The following CALN1 variants were observed in gnomAD, a reference collection of about 807,000 sequenced individuals.
CALN1 encodes the protein calneuron 1.
Under a neutral mutation model 30.6 loss-of-function variants are expected in CALN1, and 17 were observed. The observed-to-expected ratio is 0.56, with a 90% CI of 0.38 to 0.83. CALN1 has a LOEUF of 0.83. Among genes scored for constraint, CALN1 ranks in the 40% least tolerant of loss-of-function variants. The probability of loss-of-function intolerance (pLI) is 0.00; values close to 1 mark genes in which losing one functional copy is unlikely to be tolerated. For missense variants in CALN1, 291 were observed against 354.9 expected (o/e 0.82, Z 1.45); for synonymous variants, 156 against 131.4 (o/e 1.19, Z -1.28).
At chr7:71,930,826 C>T (rs556663254) in intron 5 of CALN1, among the ~76,000 whole-genome samples, 38 of 152,188 alleles carry the variant, frequency 2.5e-4, no homozygotes, top group Non-Finnish European at 5.1e-4. Context: ...AAACTCCTTC[C>T]CTTCTCTTCT....
At chr7:72,329,471 A>G (rs1487897613) in intron 2 of CALN1, among the ~76,000 whole-genome samples, 2 of 152,196 alleles carry the variant, frequency 1.3e-5, no homozygotes, top group Admixed American at 1.3e-4. Flanking sequence ...TATATGAGCT[A>G]GCCCCCATCT....
intron 2 of CALN1, among the ~76,000 whole-genome samples, chr7:72,391,487 G>C (rs1039006140): frequency 3.4e-5 from 5 of 149,146 alleles, no homozygotes; most frequent in Admixed American, 1.4e-4. Flanking sequence ...TGAAGAAGAA[G>C]TGTGGTAGTT....
At chr7:72,100,600 C>G (rs1806582986) in intron 4 of CALN1, among the ~76,000 whole-genome samples, 1 of 151,896 alleles carries the variant, frequency 6.6e-6, no homozygotes, top group Non-Finnish European at 1.5e-5. Flanking sequence ...AGGCAGATCA[C>G]GAGGTCAGGA....
intron 3 of CALN1, among the ~76,000 whole-genome samples, chr7:72,183,019 A>G (rs777092963): frequency 2.6e-5 from 4 of 152,062 alleles, no homozygotes; most frequent in Admixed American, 2.0e-4. Flanking sequence ...CAAAAGTAAT[A>G]TGGTCAGCTC....
At chr7:72,142,412 G>A (rs557942948) in intron 3 of CALN1, among the ~76,000 whole-genome samples, 2 of 152,300 alleles carry the variant, frequency 1.3e-5, no homozygotes, top group East Asian at 3.9e-4. Context: ...CAACGCGGCA[G>A]CGAGCTGGGG....
intron 5 of CALN1, among the ~76,000 whole-genome samples, chr7:71,873,147 G>A (rs1024956642): frequency 6.6e-6 from 1 of 151,480 alleles, no homozygotes; most frequent in Admixed American, 6.6e-5. Context: ...AGGATTACAG[G>A]CACCCACCAC....
intron 3 of CALN1, among the ~76,000 whole-genome samples, chr7:72,245,057 T>C (rs1433900810): frequency 6.6e-6 from 1 of 152,152 alleles, no homozygotes; most frequent in African/African-American, 2.4e-5. Flanking sequence ...CCTTGCTCCA[T>C]CCCAAAACAT....
chr7:72,276,923 C>T (rs1014340956), intron 3 of CALN1, among the ~76,000 whole-genome samples: 2 of 152,220 alleles, frequency 1.3e-5, no homozygotes, highest in African/African-American at 2.4e-5. Context: ...ACTCTCTCCA[C>T]CATATGAGGA....
chr7:71,800,850 T>C lies in CALN1; in HGVS notation c.658+9486A>G, dbSNP rs140005674. On this transcript the variant is annotated intron_variant, in intron 6 of 6. Transcript: ENST00000395275. ...TAAGTTCCATGATACATGTGCAGAA[T>C]GTGCAGGTTTGTTAAATAGGTAAAC... is the stretch of plus-strand genomic sequence containing the variant. 3.2e-4 allele frequency among the ~76,000 whole-genome samples: 49 copies of C among 152,264 alleles called. No individual in the cohort carries two copies. In the East Asian group the frequency reaches 8.9e-3, roughly 28 times the overall value.
chr7:71,787,960 G>A, intron 6 of CALN1, 58 bp from the exon 7 acceptor site: 1 of 1,609,356 alleles, frequency 6.2e-7, no homozygotes, highest in South Asian at 1.1e-5. Flanking sequence ...GAAGAGAGAA[G>A]AGAGAAATAA....
chr7:72,198,849 G>C (rs1193774179), intron 3 of CALN1, among the ~76,000 whole-genome samples: 1 of 152,156 alleles, frequency 6.6e-6, no homozygotes, highest in Non-Finnish European at 1.5e-5. Flanking sequence ...CTGGGAAAGG[G>C]CTACAGCCAG....
chr7:71,830,565 C>A (rs1789213117), intron 5 of CALN1, among the ~76,000 whole-genome samples: 1 of 152,062 alleles, frequency 6.6e-6, no homozygotes, highest in South Asian at 2.1e-4. Context: ...CCAGGCCGGT[C>A]TTGAACTCCT....
At chr7:72,350,673 G>C (rs1372906476) in intron 2 of CALN1, among the ~76,000 whole-genome samples, 1 of 152,094 alleles carries the variant, frequency 6.6e-6, no homozygotes, top group Non-Finnish European at 1.5e-5. Context: ...CTACCTACCA[G>C]ATACTATGCT....
At position 71,787,715 on chromosome 7, in the gene CALN1, TG is replaced by T. The variant is rs1793055297; in HGVS notation, c.*59del. 1 of 1,597,970 alleles carries T rather than the reference TG, an allele frequency of 6.3e-7. No individual in the cohort carries two copies. Among genetic ancestry groups the T allele is most frequent in the African/African-American group, 1.3e-5 (1 of 74,860 alleles). ...GTGTCTGCTGTGTGGAGGAAGAGTC[TG>T]CCCGCACGGCATGCACATGCGCGGT... is the stretch of plus-strand genomic sequence containing the variant. On this transcript the variant is annotated 3_prime_UTR_variant, in exon 7 of 7. Transcript: ENST00000395275.
chr7:72,353,656 T>G (rs145316345), intron 2 of CALN1, among the ~76,000 whole-genome samples: 1 of 151,900 alleles, frequency 6.6e-6, no homozygotes, highest in Non-Finnish European at 1.5e-5. Flanking sequence ...CCCTGTAAAA[T>G]CAGGAAAAGG....
intron 3 of CALN1, among the ~76,000 whole-genome samples, chr7:72,170,053 A>G (rs1788827662): frequency 6.6e-6 from 1 of 152,064 alleles, no homozygotes; most frequent in Non-Finnish European, 1.5e-5. Context: ...CTGGAGTGCA[A>G]TGGTGCATAA....
At chr7:72,001,484 G>C (rs550834025) in intron 5 of CALN1, among the ~76,000 whole-genome samples, 1 of 152,302 alleles carries the variant, frequency 6.6e-6, no homozygotes, top group East Asian at 1.9e-4. Context: ...GGTGCTGGCA[G>C]GCCACTGTGC....
intron 4 of CALN1, among the ~76,000 whole-genome samples, chr7:72,037,063 T>A (rs1398169136): frequency 6.6e-6 from 1 of 152,176 alleles, no homozygotes; most frequent in African/African-American, 2.4e-5. Context: ...CACTGTAAAC[T>A]CAAACTCCTG....
intron 1 of CALN1, among the ~76,000 whole-genome samples, chr7:72,408,123 T>A (rs1268304119): frequency 6.6e-6 from 1 of 151,908 alleles, no homozygotes; most frequent in African/African-American, 2.4e-5. Flanking sequence ...TCCCTTTGGT[T>A]CCATATTGAC....
Sources: gnomAD v4.1 joint callset for allele counts (sites outside exome capture counted in the v4.1 genomes callset) on GRCh38, gnomAD v4.1.1 for gene constraint, MANE v1.5 for transcripts, NCBI Gene and HGNC (gene_info 2026-07-23, HGNC 2026-07-21) for gene names.